CDH18: variants seen among roughly 807,000 people sequenced by gnomAD.
CDH18 encodes the protein cadherin-18.
In CDH18, 31 loss-of-function variants were observed where a neutral mutation model predicts 67.9. That is an observed-to-expected ratio of 0.46 (90% CI 0.34 to 0.62). The LOEUF (loss-of-function observed/expected upper bound fraction) is 0.62, where lower values mean the gene tolerates loss of function less well. Among genes scored for constraint, CDH18 ranks in the 20% least tolerant of loss-of-function variants. The probability of loss-of-function intolerance (pLI) is 0.01; values close to 1 mark genes in which losing one functional copy is unlikely to be tolerated. For missense variants in CDH18, 890 were observed against 975.5 expected (o/e 0.91, Z 1.17); for synonymous variants, 362 against 347.2 (o/e 1.04, Z -0.48).
chr5:20,514,488 G>A (rs1410806373), intron 1 of CDH18, among the ~76,000 whole-genome samples: 2 of 152,124 alleles, frequency 1.3e-5, no homozygotes, highest in African/African-American at 4.8e-5. Flanking sequence ...GTATGTGGAA[G>A]TTTAGAGAGA....
At chr5:20,103,722 G>A (rs1746677274) in intron 2 of CDH18, among the ~76,000 whole-genome samples, 1 of 148,470 alleles carries the variant, frequency 6.7e-6, no homozygotes. Flanking sequence ...AATAGTGTGA[G>A]ACGCCGTCTC....
intron 2 of CDH18, among the ~76,000 whole-genome samples, chr5:20,223,885 G>A (rs1741415086): frequency 6.6e-6 from 1 of 152,038 alleles, no homozygotes; most frequent in South Asian, 2.1e-4. Flanking sequence ...ATATGGAACT[G>A]TGAGTTAATT....
intron 1 of CDH18, among the ~76,000 whole-genome samples, chr5:20,487,257 C>A (rs766517119): frequency 1.1e-4 from 17 of 151,734 alleles, no homozygotes; most frequent in Non-Finnish European, 2.5e-4. Context: ...AAAATCCCAG[C>A]ATTTTCTGTT....
chr5:19,824,038 CA>C (rs145801510), intron 3 of CDH18, among the ~76,000 whole-genome samples: 4 of 148,772 alleles, frequency 2.7e-5, no homozygotes, highest in South Asian at 2.1e-4. Flanking sequence ...AATAGAAATA[CA>C]AAAAAAAATA....
At chr5:19,934,938 T>C (rs950617673) in intron 2 of CDH18, among the ~76,000 whole-genome samples, 2 of 151,312 alleles carry the variant, frequency 1.3e-5, no homozygotes, top group African/African-American at 4.8e-5. Flanking sequence ...ATTGGATCCA[T>C]ACATCATGTT....
chr5:20,515,691 A>T (rs1375975504), intron 1 of CDH18, among the ~76,000 whole-genome samples: 1 of 151,930 alleles, frequency 6.6e-6, no homozygotes, highest in Admixed American at 6.6e-5. Flanking sequence ...TTGAACTTCT[A>T]TTCACATTTC....
chr5:20,005,046 T>C (rs1736778364), intron 2 of CDH18, among the ~76,000 whole-genome samples: 1 of 152,212 alleles, frequency 6.6e-6, no homozygotes, highest in Non-Finnish European at 1.5e-5. Flanking sequence ...CACAAGTCTT[T>C]CTTCATCACT....
At chr5:19,709,341 G>A (rs1212612578) in intron 5 of CDH18, among the ~76,000 whole-genome samples, 2 of 152,144 alleles carry the variant, frequency 1.3e-5, no homozygotes, top group African/African-American at 4.8e-5. Flanking sequence ...GCCAATGTGT[G>A]TGGATCACCT....
At chr5:20,087,201 G>A (rs779540647) in intron 2 of CDH18, among the ~76,000 whole-genome samples, 3 of 152,156 alleles carry the variant, frequency 2.0e-5, no homozygotes, top group Admixed American at 1.3e-4. Context: ...GCCTGTAAAT[G>A]TGACTGAAAT....
At chr5:20,523,982 A>G (rs1755899414) in intron 1 of CDH18, among the ~76,000 whole-genome samples, 1 of 152,244 alleles carries the variant, frequency 6.6e-6, no homozygotes, top group Non-Finnish European at 1.5e-5. Context: ...GACTAAGTCA[A>G]AGTAAATTTA....
At chr5:20,364,626 G>A (rs571457610) in intron 1 of CDH18, among the ~76,000 whole-genome samples, 4 of 152,100 alleles carry the variant, frequency 2.6e-5, no homozygotes, top group African/African-American at 4.8e-5. Flanking sequence ...TAGACTTCCT[G>A]TATCTGTATC....
intron 2 of CDH18, among the ~76,000 whole-genome samples, chr5:20,170,898 A>T (rs1736650771): frequency 6.6e-6 from 1 of 150,830 alleles, no homozygotes; most frequent in African/African-American, 2.4e-5. Flanking sequence ...TGTTGTTTCC[A>T]TTTTTGTGTC....
At chr5:20,536,503 C>T (rs1247439700) in intron 1 of CDH18, among the ~76,000 whole-genome samples, 1 of 152,168 alleles carries the variant, frequency 6.6e-6, no homozygotes, top group African/African-American at 2.4e-5. Flanking sequence ...AAACTTCCCT[C>T]ATGCTTCTGG....
intron 11 of CDH18, among the ~76,000 whole-genome samples, chr5:19,492,164 T>A (rs1201483669): frequency 1.3e-5 from 2 of 152,130 alleles, no homozygotes; most frequent in African/African-American, 4.8e-5. Flanking sequence ...TTACTAATAA[T>A]CTTTTGCCCT....
intron 2 of CDH18, among the ~76,000 whole-genome samples, chr5:19,852,926 G>A (rs1367524327): frequency 7.3e-6 from 1 of 136,432 alleles, no homozygotes; most frequent in African/African-American, 2.4e-5. Context: ...AGAAACATCT[G>A]GTATGAAATT....
intron 3 of CDH18, among the ~76,000 whole-genome samples, chr5:19,838,155 C>A (rs1203592497): frequency 1.3e-5 from 2 of 151,954 alleles, no homozygotes; most frequent in Non-Finnish European, 2.9e-5. Context: ...CCAGTGCATA[C>A]TTAATCTATA....
intron 11 of CDH18, among the ~76,000 whole-genome samples, chr5:19,495,717 C>CAAAAAAAAAAAAAAAAAAAAAAAAAA (rs749003068): frequency 2.1e-5 from 1 of 46,550 alleles, no homozygotes; most frequent in South Asian, 1.2e-3. Context: ...GAAACTGTCT[C>CAAAAAAAAAAAAAAAAAAAAAAAAAA]AAAAAAAAAA....
intron 5 of CDH18, among the ~76,000 whole-genome samples, chr5:19,700,971 A>G (rs902496328): frequency 1.3e-5 from 2 of 152,164 alleles, no homozygotes; most frequent in African/African-American, 4.8e-5. Flanking sequence ...AAAAAAAGAA[A>G]AAAAAATGAG....
chr5:20,262,024 G>A (rs1744697259), intron 1 of CDH18, among the ~76,000 whole-genome samples: 1 of 152,168 alleles, frequency 6.6e-6, no homozygotes, highest in South Asian at 2.1e-4. Context: ...AGATTGTATT[G>A]ACTGAATAGC....
Sources: gnomAD v4.1 joint callset for allele counts (sites outside exome capture counted in the v4.1 genomes callset) on GRCh38, gnomAD v4.1.1 for gene constraint, MANE v1.5 for transcripts, NCBI Gene and HGNC (gene_info 2026-07-23, HGNC 2026-07-21) for gene names.